The following RALGPS1 variants were observed in gnomAD, a reference collection of about 807,000 sequenced individuals.
The protein encoded by RALGPS1 is Ral GEF with PH domain and SH3 binding motif 1.
RALGPS1 carries 19 observed loss-of-function variants against 78.8 expected under a neutral mutation model. The ratio of observed to expected loss-of-function variants is 0.24; its 90% CI spans 0.17 to 0.35. RALGPS1 has a LOEUF of 0.35. Among genes scored for constraint, RALGPS1 ranks in the 10% least tolerant of loss-of-function variants. RALGPS1 has a pLI of 1.00. For synonymous variants in RALGPS1, 228 were observed against 256.3 expected, an observed-to-expected ratio of 0.89 and a Z score of 1.06; for missense variants, 454 against 688.3, an observed-to-expected ratio of 0.66 and a Z score of 3.81.
chr9:126,976,182 C>A (rs183416947), intron 3 of RALGPS1, among the ~76,000 whole-genome samples: 2 of 152,192 alleles, frequency 1.3e-5, no homozygotes, highest in Non-Finnish European at 1.5e-5. Context: ...AATATTCAAC[C>A]AAATTAATGG....
chr9:127,034,296 A>T (rs866037486), intron 4 of RALGPS1, 135 bp from the exon 5 acceptor site: 2 of 741,344 alleles, frequency 2.7e-6, no homozygotes, highest in Non-Finnish European at 2.4e-6. Context: ...CTTCTCTTCC[A>T]CCTAGTAAAG....
At chr9:127,104,710 C>T (rs2054050801) in intron 8 of RALGPS1, among the ~76,000 whole-genome samples, 1 of 152,238 alleles carries the variant, frequency 6.6e-6, no homozygotes, top group African/African-American at 2.4e-5. Flanking sequence ...GCAGCCATGG[C>T]TCCCTTAGTC....
At chr9:126,933,002 G>A (rs1293244505) in intron 1 of RALGPS1, among the ~76,000 whole-genome samples, 3 of 152,064 alleles carry the variant, frequency 2.0e-5, no homozygotes, top group Non-Finnish European at 4.4e-5. Context: ...CTTGTTGTAG[G>A]ATCATGAAAT....
chr9:127,097,524 A>G (rs1589451886), intron 8 of RALGPS1, among the ~76,000 whole-genome samples: 1 of 152,378 alleles, frequency 6.6e-6, no homozygotes, highest in South Asian at 2.1e-4. Flanking sequence ...CTTTTCACAC[A>G]TTAAAGGCAC....
intron 4 of RALGPS1, among the ~76,000 whole-genome samples, chr9:127,005,899 CTGGAAGAAA>C (rs2043796957): frequency 6.6e-6 from 1 of 152,196 alleles, no homozygotes; most frequent in Admixed American, 6.5e-5. Context: ...CCTTCTCCTG[CTGGAAGAAA>C]TGTTTGTGCA....
At position 127,222,962 on chromosome 9, in the gene RALGPS1, C is replaced by T. The variant is rs2062813691; in HGVS notation, c.*4193C>T. 1.3e-5 allele frequency: 2 copies of T among 152,628 alleles called. No homozygotes were observed. The highest frequency in any genetic ancestry group is 1.3e-4 in the Admixed American group (2 of 15,280). The allele number at this position is 152,628 out of a possible 1,614,324, so 9.5% of individuals were successfully genotyped here. A position where few individuals can be genotyped will look rare whatever the true frequency, so the allele number is the denominator to read the frequency against. On this transcript the variant is annotated 3_prime_UTR_variant, in exon 19 of 19. Transcript: ENST00000259351. ...AGGACTTTCTCTAATTCTTGTGAATCGTCTCACCCGCAGTAACCACTGAAC... is the reference window on the plus strand; with the variant it reads ...AGGACTTTCTCTAATTCTTGTGAATTGTCTCACCCGCAGTAACCACTGAAC...
At chr9:127,086,006 ATTC>A (rs1187554353) in intron 8 of RALGPS1, among the ~76,000 whole-genome samples, 1 of 152,192 alleles carries the variant, frequency 6.6e-6, no homozygotes, top group African/African-American at 2.4e-5. Flanking sequence ...CTGCCGGGGT[ATTC>A]TTACCAGCAG....
intron 1 of RALGPS1, among the ~76,000 whole-genome samples, chr9:126,947,120 T>C (rs2037351269): frequency 6.6e-6 from 1 of 152,212 alleles, no homozygotes; most frequent in African/African-American, 2.4e-5. Context: ...CCCCTTCAAA[T>C]TGATTCTTGT....
intron 1 of RALGPS1, among the ~76,000 whole-genome samples, chr9:126,926,845 A>G (rs1315131095): frequency 6.6e-6 from 1 of 152,102 alleles, no homozygotes; most frequent in East Asian, 1.9e-4. Flanking sequence ...GGCCTCTCCT[A>G]CTTGGTAGAT....
At chr9:127,142,788 A>C (rs181284266) in intron 8 of RALGPS1, among the ~76,000 whole-genome samples, 1 of 152,272 alleles carries the variant, frequency 6.6e-6, no homozygotes, top group East Asian at 1.9e-4. Context: ...TACATTATAC[A>C]CAAATGTATA....
At chr9:127,007,316 A>C (rs1588980593) in intron 4 of RALGPS1, among the ~76,000 whole-genome samples, 1 of 152,216 alleles carries the variant, frequency 6.6e-6, no homozygotes, top group African/African-American at 2.4e-5. Flanking sequence ...GTCAACAATT[A>C]GTTATTCAAT....
chr9:127,101,530 G>T (rs1025273195), intron 8 of RALGPS1, among the ~76,000 whole-genome samples: 15 of 152,070 alleles, frequency 9.9e-5, no homozygotes, highest in African/African-American at 3.6e-4. Context: ...TCACCATCCT[G>T]AGCTGCATCC....
At chr9:127,147,510 G>T (rs1212554462) in intron 8 of RALGPS1, among the ~76,000 whole-genome samples, 1 of 152,160 alleles carries the variant, frequency 6.6e-6, no homozygotes, top group Non-Finnish European at 1.5e-5. Flanking sequence ...AATAGTTTAA[G>T]GTCTTACATT....
At chr9:127,168,655 C>A in intron 9 of RALGPS1, 24 bp from the exon 10 acceptor site, 1 of 1,547,186 alleles carries the variant, frequency 6.5e-7, no homozygotes, top group Non-Finnish European at 8.9e-7. Flanking sequence ...CCTAAAGTTT[C>A]TGGATGTGGT....
At chr9:127,037,461 A>T (rs1031865633) in intron 5 of RALGPS1, among the ~76,000 whole-genome samples, 1 of 151,990 alleles carries the variant, frequency 6.6e-6, no homozygotes. Context: ...TATAGTTGCT[A>T]ATGACTGAAA....
intron 4 of RALGPS1, among the ~76,000 whole-genome samples, chr9:126,999,086 G>A (rs566682744): frequency 1.7e-3 from 251 of 150,804 alleles, no homozygotes; most frequent in Non-Finnish European, 3.2e-3. Context: ...GTTAATGGGT[G>A]CAGCACACCA....
intron 4 of RALGPS1, among the ~76,000 whole-genome samples, chr9:127,008,986 G>C (rs1480884390): frequency 6.6e-6 from 1 of 152,136 alleles, no homozygotes; most frequent in Non-Finnish European, 1.5e-5. Flanking sequence ...CTTTAGAAAG[G>C]CTTTAGGAAG....
In RALGPS1 at chr9:127,052,953, C is replaced by G. The variant is rs920353151; in HGVS notation, c.483+14C>G. 6.6e-7 allele frequency: 1 copy of G among 1,523,988 alleles called. No homozygotes were observed. Among genetic ancestry groups the G allele is most frequent in the African/African-American group, 1.4e-5 (1 of 72,782 alleles). 94.4% of individuals were successfully genotyped at this position (1,523,988 alleles called of 1,614,324 possible). Reference sequence around the variant, plus strand: ...AAAACCTGGGCTGTAAGTTAATCTCCCTAAGTCTATCTAATTTTGGCTATC... The same window carrying G: ...AAAACCTGGGCTGTAAGTTAATCTCGCTAAGTCTATCTAATTTTGGCTATC... On this transcript the variant is annotated intron_variant, in intron 7 of 18. Coordinates refer to ENST00000259351, the MANE Select transcript of RALGPS1 (RefSeq NM_014636.3).
At chr9:127,177,815 C>G in intron 11 of RALGPS1, 1 of 1,543,142 alleles carries the variant, frequency 6.5e-7, no homozygotes, top group South Asian at 1.2e-5. Flanking sequence ...CAGCTAGGAG[C>G]CAGCCCTGGC....
Sources: gnomAD v4.1 joint callset for allele counts (sites outside exome capture counted in the v4.1 genomes callset) on GRCh38, gnomAD v4.1.1 for gene constraint, MANE v1.5 for transcripts, NCBI Gene and HGNC (gene_info 2026-07-23, HGNC 2026-07-21) for gene names.